The following BEND2 variants were observed in gnomAD, a reference collection of about 807,000 sequenced individuals.
BEND2 encodes BEN domain-containing protein 2.
In BEND2, 19 loss-of-function variants were observed where a neutral mutation model predicts 43.8. The observed-to-expected ratio is 0.43, with a 90% CI of 0.30 to 0.64. BEND2 has a LOEUF of 0.64. Ranked by LOEUF, BEND2 falls within the 30% of genes least tolerant of loss-of-function variation. BEND2 has a pLI of 0.11. For synonymous variants in BEND2, 226 were observed against 210.1 expected, an observed-to-expected ratio of 1.08 and a Z score of -0.66; for missense variants, 544 against 574.0, an observed-to-expected ratio of 0.95 and a Z score of 0.53.
chrX:18,191,111 GT>G lies in BEND2; in HGVS notation c.1181-4del. 1 of 1,180,369 alleles carries G rather than the reference GT, an allele frequency of 8.5e-7. No individual in the cohort carries two copies. The highest frequency in any genetic ancestry group is 1.1e-6 in the Non-Finnish European group (1 of 873,612). On this transcript the variant is annotated splice_region_variant and splice_polypyrimidine_tract_variant and intron_variant, in intron 7 of 13. Transcript: ENST00000380033. ...ATAACTCATTTGTGGGCCAGATTCT[GT>G]TTTGAACAACATTTCAATATGTAAA...
intron 7 of BEND2, among the ~76,000 whole-genome samples, chrX:18,194,167 T>C (rs920948948): frequency 1.8e-5 from 2 of 111,739 alleles, no homozygotes; most frequent in African/African-American, 6.5e-5. Context: ...CACTCATACA[T>C]TGCTGTTGGA....
At chrX:18,191,132 T>G in intron 7 of BEND2, 24 bp from the exon 8 acceptor site, 1 of 1,124,816 alleles carries the variant, frequency 8.9e-7, no homozygotes, top group East Asian at 3.1e-5. Flanking sequence ...CATTTCAATA[T>G]GTAAAACATT....
rs765284701 is a variant in BEND2 at position 18,180,608 on chromosome X, G to A, written c.1331C>T (p.Thr444Met). The A allele has an allele frequency of 1.6e-5, 19 of 1,208,878 alleles. No individual in the cohort carries two copies. Among genetic ancestry groups the A allele is most frequent in the South Asian group, 5.3e-5 (3 of 56,746 alleles). Residue 444 changes from threonine to methionine, a missense_variant, in exon 9 of 14, where the codon ACG becomes ATG. Around this residue, in one of 2 missense-constraint regions of BEND2, gnomAD observed 501 missense variants for 501.6 expected, o/e 1.00. Transcript: ENST00000380033. ...ATTCATTGTGTTGACGCTGTTTTCC[G>A]TGTTGGTGTCTACTTTTACCAAAAT... Reference protein sequence around the residue: ...LNILVKVDTNTENSVNTMNRS... With the variant: ...LNILVKVDTNMENSVNTMNRS...
chrX:18,185,487 C>T (rs1046119052), intron 8 of BEND2, among the ~76,000 whole-genome samples: 1 of 107,812 alleles, frequency 9.3e-6, no homozygotes, highest in African/African-American at 3.4e-5. Flanking sequence ...GCTGAGATCA[C>T]GCCACTGCAC....
At chrX:18,170,825 G>A (rs1411280241) in intron 13 of BEND2, 176 bp downstream of exon 13, 1 of 906,713 alleles carries the variant, frequency 1.1e-6, no homozygotes, top group Non-Finnish European at 1.5e-6. Flanking sequence ...GAACCCAAAT[G>A]CAGAGAGAAA....
intron 7 of BEND2, among the ~76,000 whole-genome samples, chrX:18,193,329 A>AAAAAGAAAAG (rs75007771): frequency 0.014 from 1,384 of 100,643 alleles, 14 homozygotes; most frequent in Middle Eastern, 0.021. Context: ...TCTGTCTCAC[A>AAAAAGAAAAG]AAAAGAAAAG....
intron 8 of BEND2, among the ~76,000 whole-genome samples, chrX:18,181,960 G>A (rs987032701): frequency 4.5e-5 from 5 of 111,534 alleles, no homozygotes; most frequent in Admixed American, 9.5e-5. Flanking sequence ...TGACCAAGTA[G>A]ATAAAAAACA....
At chrX:18,197,926 C>A (rs1225195449) in intron 6 of BEND2, among the ~76,000 whole-genome samples, 1 of 111,083 alleles carries the variant, frequency 9.0e-6, no homozygotes, top group East Asian at 2.8e-4. Flanking sequence ...AAAGCAGAAA[C>A]CCCTGACAAA....
intron 4 of BEND2, among the ~76,000 whole-genome samples, chrX:18,211,909 G>A (rs1459553529): frequency 9.2e-6 from 1 of 109,107 alleles, no homozygotes; most frequent in Non-Finnish European, 1.9e-5. Context: ...CAGGAAAAAA[G>A]ACTATGACCC....
rs552499577 is a variant in BEND2, at chrX:18,209,324, A to G, written c.492+3241T>C. 5.4e-5 allele frequency among the ~76,000 whole-genome samples: 6 copies of G among 111,893 alleles called. No homozygotes were observed. The South Asian group carries it at 2.3e-3, about 43-fold the overall frequency. On this transcript the variant is annotated intron_variant, in intron 4 of 13. Transcript: ENST00000380033. ...CACCACAATAATGGCTGCTGCAGGT[A>G]AAATCCATGCATGGATACTAACTTG...
At chrX:18,179,474 T>C (rs946812687) in intron 9 of BEND2, among the ~76,000 whole-genome samples, 7 of 110,661 alleles carry the variant, frequency 6.3e-5, no homozygotes, top group African/African-American at 2.3e-4. Context: ...GAGACCACAA[T>C]TCTTGAAATT....
intron 13 of BEND2, among the ~76,000 whole-genome samples, chrX:18,170,735 C>A (rs1220664230): frequency 3.6e-5 from 4 of 112,188 alleles, no homozygotes; most frequent in Non-Finnish European, 5.6e-5. Flanking sequence ...ATACCCCTGG[C>A]AGTCCATAGC....
chrX:18,169,271 A>T (rs1923903046), intron 13 of BEND2, among the ~76,000 whole-genome samples: 2 of 111,974 alleles, frequency 1.8e-5, no homozygotes, highest in African/African-American at 6.5e-5. Flanking sequence ...CAACTCCAGG[A>T]CTGTGATTAC....
intron 2 of BEND2, among the ~76,000 whole-genome samples, chrX:18,214,699 T>G (rs919426300): frequency 9.6e-6 from 1 of 103,645 alleles, no homozygotes; most frequent in Non-Finnish European, 1.9e-5. Flanking sequence ...TGGTGGCAGC[T>G]ACTCAGGAAG....
intron 12 of BEND2, 63 bp downstream of exon 12, chrX:18,173,967 A>G: frequency 2.1e-6 from 2 of 972,704 alleles, no homozygotes; most frequent in Non-Finnish European, 2.8e-6. Flanking sequence ...TAAATGCATC[A>G]CTCAGATTCA....
At chrX:18,200,405 A>G (rs767024406) in intron 6 of BEND2, among the ~76,000 whole-genome samples, 3 of 106,307 alleles carry the variant, frequency 2.8e-5, no homozygotes, top group Non-Finnish European at 3.9e-5. Flanking sequence ...CAGGAGGCTG[A>G]GGCATGAGAA....
chrX:18,208,752 T>C (rs886826882), intron 4 of BEND2, among the ~76,000 whole-genome samples: 5 of 111,109 alleles, frequency 4.5e-5, no homozygotes, highest in Non-Finnish European at 9.4e-5. Context: ...TATGAACATA[T>C]AGTTTTAATA....
chrX:18,171,940 C>A (rs1923990223), intron 12 of BEND2, among the ~76,000 whole-genome samples: 1 of 111,292 alleles, frequency 9.0e-6, no homozygotes, highest in Admixed American at 9.6e-5. Flanking sequence ...TAAATCAACA[C>A]ACTGCTGGTT....
At chrX:18,168,517 G>A (rs971314102) in intron 13 of BEND2, among the ~76,000 whole-genome samples, 2 of 111,827 alleles carry the variant, frequency 1.8e-5, no homozygotes, top group African/African-American at 6.5e-5. Flanking sequence ...AGGAGTTCCT[G>A]CTGTGGGTGG....
Sources: allele counts gnomAD v4.1 joint callset (sites outside exome capture counted in the v4.1 genomes callset), GRCh38; gene constraint gnomAD v4.1.1; regional missense constraint gnomAD v4.1.1; transcripts MANE v1.5; gene names NCBI Gene and HGNC (gene_info 2026-07-23, HGNC 2026-07-21).